The following FHOD3 variants were observed in gnomAD, a reference collection of about 807,000 sequenced individuals.
The protein encoded by FHOD3 is formin homology 2 domain containing 3.
Under a neutral mutation model 173.0 loss-of-function variants are expected in FHOD3, and 90 were observed. That is an observed-to-expected ratio of 0.52 (90% CI 0.44 to 0.62). The LOEUF (loss-of-function observed/expected upper bound fraction) is 0.62, where lower values mean the gene tolerates loss of function less well. Among genes scored for constraint, FHOD3 ranks in the 20% least tolerant of loss-of-function variants. The pLI is 0.00. For missense variants in FHOD3, 1,945 were observed against 2,034.7 expected (o/e 0.96, Z 0.85); for synonymous variants, 828 against 823.0 (o/e 1.01, Z -0.10).
intron 1 of FHOD3, among the ~76,000 whole-genome samples, chr18:36,338,484 G>A (rs550229918): frequency 6.6e-6 from 1 of 152,340 alleles, no homozygotes; most frequent in Admixed American, 6.5e-5. Flanking sequence ...GTCACACCGA[G>A]TGTGGCAGTG....
intron 1 of FHOD3, among the ~76,000 whole-genome samples, chr18:36,341,501 G>T (rs1241054549): frequency 6.6e-6 from 1 of 152,158 alleles, no homozygotes. Context: ...TTCATGAGCG[G>T]CAGGTGCAGG....
At chr18:36,519,701 C>T (rs1471990138) in intron 5 of FHOD3, among the ~76,000 whole-genome samples, 1 of 152,160 alleles carries the variant, frequency 6.6e-6, no homozygotes, top group Non-Finnish European at 1.5e-5. Flanking sequence ...TTTGTACACC[C>T]TCTGTTCTGA....
At chr18:36,681,320 A>G in intron 14 of FHOD3, 116 bp from the exon 15 acceptor site, 1 of 1,270,136 alleles carries the variant, frequency 7.9e-7, no homozygotes, top group Non-Finnish European at 1.1e-6. Flanking sequence ...GATTTTCCCC[A>G]AGCATTGCCT....
intron 9 of FHOD3, among the ~76,000 whole-genome samples, chr18:36,619,054 G>A (rs1039890356): frequency 7.2e-5 from 11 of 152,182 alleles, no homozygotes; most frequent in African/African-American, 1.7e-4. Context: ...TTTCTTCTGG[G>A]ACCCAAGGCT....
intron 7 of FHOD3, among the ~76,000 whole-genome samples, chr18:36,596,619 C>T (rs2030476806): frequency 6.6e-6 from 1 of 152,116 alleles, no homozygotes; most frequent in African/African-American, 2.4e-5. Flanking sequence ...ACTGGGGCTC[C>T]TATACCCTTG....
At chr18:36,468,336 C>T (rs145425921) in intron 3 of FHOD3, among the ~76,000 whole-genome samples, 14 of 152,118 alleles carry the variant, frequency 9.2e-5, no homozygotes, top group African/African-American at 3.1e-4. Flanking sequence ...CTAAGAATAG[C>T]CAGCTAGACG....
chr18:36,383,670 C>T (rs1029057978), intron 3 of FHOD3, among the ~76,000 whole-genome samples: 1 of 152,216 alleles, frequency 6.6e-6, no homozygotes, highest in Non-Finnish European at 1.5e-5. Flanking sequence ...GCTTATACTT[C>T]CTACCAGGCA....
At chr18:36,586,500 T>C (rs2059033703) in intron 6 of FHOD3, among the ~76,000 whole-genome samples, 1 of 152,080 alleles carries the variant, frequency 6.6e-6, no homozygotes, top group Admixed American at 6.5e-5. Context: ...TTTTTTTTTT[T>C]TTGAGACAGA....
At chr18:36,596,883 A>G (rs1252968090) in intron 7 of FHOD3, among the ~76,000 whole-genome samples, 2 of 152,194 alleles carry the variant, frequency 1.3e-5, no homozygotes, top group African/African-American at 4.8e-5. Context: ...AGGAATGCCA[A>G]TTTCACAGAA....
chr18:36,636,343 G>A (rs371362594), intron 10 of FHOD3, among the ~76,000 whole-genome samples: 5 of 152,194 alleles, frequency 3.3e-5, no homozygotes, highest in Admixed American at 2.6e-4. Context: ...ATCAAATGCA[G>A]CCATGGAAAG....
chr18:36,739,614 T>C (rs961799684), intron 20 of FHOD3, among the ~76,000 whole-genome samples: 3 of 152,242 alleles, frequency 2.0e-5, no homozygotes, highest in Non-Finnish European at 4.4e-5. Flanking sequence ...TGTCTCTCCA[T>C]GTGTTTATTA....
chr18:36,378,967 G>A (rs910323952), intron 3 of FHOD3, among the ~76,000 whole-genome samples: 6 of 152,222 alleles, frequency 3.9e-5, no homozygotes, highest in African/African-American at 1.4e-4. Context: ...TTACAGGCAT[G>A]AGCCACCGTG....
intron 3 of FHOD3, among the ~76,000 whole-genome samples, chr18:36,407,975 G>C (rs2049151727): frequency 6.6e-6 from 1 of 152,224 alleles, no homozygotes; most frequent in Admixed American, 6.5e-5. Flanking sequence ...ACAGATGTAA[G>C]GTAGATAGAT....
intron 3 of FHOD3, among the ~76,000 whole-genome samples, chr18:36,409,079 A>G (rs1388962298): frequency 1.3e-5 from 2 of 152,096 alleles, no homozygotes; most frequent in Non-Finnish European, 2.9e-5. Flanking sequence ...AGTGCTTCTC[A>G]CCGGGCTGAG....
intron 3 of FHOD3, among the ~76,000 whole-genome samples, chr18:36,418,906 C>T (rs1370065635): frequency 6.6e-6 from 1 of 151,798 alleles, no homozygotes; most frequent in African/African-American, 2.4e-5. Context: ...AAAGTGAGAC[C>T]CTGTCTAAAA....
chr18:36,660,004 C>G (rs1307208354), intron 14 of FHOD3, among the ~76,000 whole-genome samples: 2 of 152,140 alleles, frequency 1.3e-5, no homozygotes, highest in African/African-American at 4.8e-5. Flanking sequence ...GGCGCGGTGG[C>G]TCACACCTGT....
chr18:36,652,007 CTT>C (rs1308981431), intron 11 of FHOD3, among the ~76,000 whole-genome samples: 4 of 152,182 alleles, frequency 2.6e-5, no homozygotes, highest in African/African-American at 9.7e-5. Flanking sequence ...CCTGGCCCCT[CTT>C]TTTAGCTCTT....
At chr18:36,492,734 T>G (rs893469922) in intron 3 of FHOD3, among the ~76,000 whole-genome samples, 1 of 152,146 alleles carries the variant, frequency 6.6e-6, no homozygotes, top group African/African-American at 2.4e-5. Flanking sequence ...AGCCTCCTCA[T>G]CCTCAGGCTA....
intron 3 of FHOD3, among the ~76,000 whole-genome samples, chr18:36,494,800 G>A (rs2054654021): frequency 6.6e-6 from 1 of 152,130 alleles, no homozygotes; most frequent in South Asian, 2.1e-4. Flanking sequence ...AATGACTCCA[G>A]TTTGATCTCA....
Sources: gnomAD v4.1 joint callset for allele counts (sites outside exome capture counted in the v4.1 genomes callset) on GRCh38, gnomAD v4.1.1 for gene constraint, MANE v1.5 for transcripts, NCBI Gene and HGNC (gene_info 2026-07-23, HGNC 2026-07-21) for gene names.